Variants in PRDM16 observed in about 807,000 individuals in gnomAD.
PRDM16 encodes histone-lysine N-methyltransferase PRDM16.
PRDM16 carries 23 observed loss-of-function variants against 110.6 expected under a neutral mutation model. That is an observed-to-expected ratio of 0.21 (90% CI 0.15 to 0.29). The LOEUF is 0.29. PRDM16 is among the 10% of genes least tolerant of loss of function. The pLI is 1.00. For synonymous variants in PRDM16, 799 were observed against 781.8 expected (o/e 1.02, Z -0.37); for missense variants, 1,615 against 1,794.3 (o/e 0.90, Z 1.81).
chr1:3,319,177 G>A (rs909349789), intron 3 of PRDM16, among the ~76,000 whole-genome samples: 5 of 152,178 alleles, frequency 3.3e-5, no homozygotes, highest in Non-Finnish European at 5.9e-5. Flanking sequence ...AGCTCCAAAG[G>A]GTACAGCCCA....
Position 3,319,712 on chromosome 1 carries a change from A to G in PRDM16, c.439-65440A>G, listed in dbSNP as rs1641696866. Among the ~76,000 whole-genome samples, 4 of 152,304 alleles carry G rather than the reference A, an allele frequency of 2.6e-5. No individual in the cohort carries two copies. The South Asian group carries it at 8.3e-4, about 32-fold the overall frequency. On this transcript the variant is annotated intron_variant, in intron 3 of 16. Coordinates refer to ENST00000270722, the MANE Select transcript of PRDM16 (RefSeq NM_022114.4). ...GTCCACTAACTTCCCCAGAAGGCTCAGCCCAGGTCTGCTGGCCTCCAATCT... is the reference window on the plus strand; with the variant it reads ...GTCCACTAACTTCCCCAGAAGGCTCGGCCCAGGTCTGCTGGCCTCCAATCT...
intron 2 of PRDM16, among the ~76,000 whole-genome samples, chr1:3,225,040 C>T (rs1218729343): frequency 6.6e-6 from 1 of 152,174 alleles, no homozygotes; most frequent in Admixed American, 6.5e-5. Context: ...GGGCGAGGAG[C>T]GCCTTCATTA....
intron 3 of PRDM16, among the ~76,000 whole-genome samples, chr1:3,368,608 G>C (rs1361666439): frequency 6.6e-6 from 1 of 152,244 alleles, no homozygotes; most frequent in Non-Finnish European, 1.5e-5. Flanking sequence ...CTCCAATGCA[G>C]TCACCAGGGA....
At chr1:3,140,853 C>T (rs992335824) in intron 1 of PRDM16, among the ~76,000 whole-genome samples, 5 of 152,372 alleles carry the variant, frequency 3.3e-5, no homozygotes, top group South Asian at 4.1e-4. Context: ...GCAAAACCGT[C>T]ATCCACATTG....
chr1:3,357,335 C>T (rs1642627232), intron 3 of PRDM16, among the ~76,000 whole-genome samples: 1 of 152,074 alleles, frequency 6.6e-6, no homozygotes, highest in Non-Finnish European at 1.5e-5. Flanking sequence ...CTAGTGGCCT[C>T]TTGTTAAATG....
chr1:3,411,730 C>T lies in PRDM16; in HGVS notation c.1533C>T (p.Thr511=), dbSNP rs1273593406. 1.2e-6 allele frequency: 2 copies of T among 1,611,484 alleles called. No homozygotes were observed. The highest frequency in any genetic ancestry group is 4.5e-5 in the East Asian group (2 of 44,848). Reference sequence around the variant, plus strand: ...CGCCTCCCACGTTCCCCGCACTCACCCCCGGCTTCCCGGGCATCTTCCCTC... The same window carrying T: ...CGCCTCCCACGTTCCCCGCACTCACTCCCGGCTTCCCGGGCATCTTCCCTC... ...STAPPTFPAL[T]PGFPGIFPPS... The change falls in exon 9 of 17, where the codon ACC becomes ACT. Residue 511 remains threonine, a synonymous_variant. Coordinates refer to ENST00000270722, the MANE Select transcript of PRDM16 (RefSeq NM_022114.4).
intron 1 of PRDM16, among the ~76,000 whole-genome samples, chr1:3,101,495 G>A (rs548050097): frequency 6.6e-6 from 1 of 152,348 alleles, no homozygotes; most frequent in East Asian, 1.9e-4. Context: ...GGGACAGGCT[G>A]GGGGAGCGGC....
chr1:3,346,154 AT>A (rs1025307201), intron 3 of PRDM16, among the ~76,000 whole-genome samples: 1 of 152,238 alleles, frequency 6.6e-6, no homozygotes, highest in African/African-American at 2.4e-5. Context: ...AGATTATTTA[AT>A]TTAAAAATAA....
chr1:3,274,909 G>C (rs1478947967), intron 3 of PRDM16, among the ~76,000 whole-genome samples: 1 of 152,242 alleles, frequency 6.6e-6, no homozygotes, highest in Non-Finnish European at 1.5e-5. Flanking sequence ...CATGGCACCT[G>C]CTCAAGGCGT....
intron 1 of PRDM16, among the ~76,000 whole-genome samples, chr1:3,137,102 G>A (rs1479533049): frequency 6.6e-6 from 1 of 152,184 alleles, no homozygotes; most frequent in Non-Finnish European, 1.5e-5. Context: ...GATACACAGT[G>A]CAGGGGGTGG....
chr1:3,115,682 G>A (rs562612444), intron 1 of PRDM16, among the ~76,000 whole-genome samples: 2 of 152,326 alleles, frequency 1.3e-5, no homozygotes, highest in Admixed American at 6.5e-5. Context: ...CGGGCTGACC[G>A]GGGGCTGCCG....
intron 3 of PRDM16, among the ~76,000 whole-genome samples, chr1:3,362,609 C>T (rs1217671505): frequency 6.6e-6 from 1 of 152,074 alleles, no homozygotes; most frequent in Non-Finnish European, 1.5e-5. Flanking sequence ...CGAGGGCCTT[C>T]GGGTCACAGA....
Position 3,145,688 on chromosome 1 carries a change from C to T in PRDM16, c.38-40437C>T, listed in dbSNP as rs545398171. On this transcript the variant is annotated intron_variant, in intron 1 of 16. Transcript: ENST00000270722. ...ACGTGCTTCACTCACCCGCCCCACC[C>T]GCTCCCGGTCTCTCACTTCCACCCC... Among the ~76,000 whole-genome samples, 59 of 152,304 alleles carry T rather than the reference C, an allele frequency of 3.9e-4. No individual in the cohort carries two copies. In the Middle Eastern group the frequency reaches 0.01, roughly 26 times the overall value.
At chr1:3,277,731 G>A (rs144227163) in intron 3 of PRDM16, among the ~76,000 whole-genome samples, 33 of 150,010 alleles carry the variant, frequency 2.2e-4, no homozygotes, top group African/African-American at 7.0e-4. Flanking sequence ...ACACACACGC[G>A]CGCACACACG....
intron 1 of PRDM16, among the ~76,000 whole-genome samples, chr1:3,177,405 G>A (rs1014859579): frequency 1.5e-4 from 23 of 152,188 alleles, no homozygotes; most frequent in African/African-American, 5.3e-4. Context: ...GAGAAGCTTC[G>A]AAATCAAGAC....
In PRDM16 at chr1:3,425,380, C is replaced by T. The variant is rs1569772091; in HGVS notation, c.2940-201C>T. 4 of 557,950 alleles carry T rather than the reference C, an allele frequency of 7.2e-6. No homozygotes were observed. The highest frequency in any genetic ancestry group is 3.3e-5 in the Admixed American group (1 of 30,172). The allele number at this position is 557,950 out of a possible 1,614,324, so 34.6% of individuals were successfully genotyped here. On this transcript the variant is annotated intron_variant, in intron 12 of 16. Coordinates refer to ENST00000270722, the MANE Select transcript of PRDM16 (RefSeq NM_022114.4). This position sits in a 1 kb window ranked among gnomAD's most constrained non-coding sequence, Gnocchi z 6.9. ...GGCGTGAACCCCTGCTTCTTGAAGC[C>T]GGGGCTGTTTCTAGGGACAGCTTCC... is the stretch of plus-strand genomic sequence containing the variant.
At chr1:3,395,429 G>A (rs1378891916) in intron 4 of PRDM16, among the ~76,000 whole-genome samples, 2 of 152,062 alleles carry the variant, frequency 1.3e-5, no homozygotes, top group African/African-American at 2.4e-5. Context: ...GGTCTCGCAG[G>A]GGCAGGTGGA....
chr1:3,299,659 T>C (rs1641168002), intron 3 of PRDM16, among the ~76,000 whole-genome samples: 1 of 131,838 alleles, frequency 7.6e-6, no homozygotes, highest in African/African-American at 2.9e-5. Flanking sequence ...GATGCTATGC[T>C]GTGGCCGTGA....
intron 2 of PRDM16, among the ~76,000 whole-genome samples, chr1:3,220,235 G>A (rs1459849646): frequency 2.6e-5 from 4 of 152,114 alleles, no homozygotes; most frequent in Admixed American, 6.5e-5. Flanking sequence ...CCCACAGCAC[G>A]CCCAGCCTCC....
Sources: gnomAD v4.1 joint callset for allele counts (sites outside exome capture counted in the v4.1 genomes callset) on GRCh38, gnomAD v4.1.1 for gene constraint, Gnocchi (gnomAD v3.1) non-coding constraint, MANE v1.5 for transcripts, NCBI Gene and HGNC (gene_info 2026-07-23, HGNC 2026-07-21) for gene names.